The following SGCZ variants were observed in gnomAD, a reference collection of about 807,000 sequenced individuals.
SGCZ encodes the protein zeta-sarcoglycan.
A neutral mutation model predicts 41.3 loss-of-function variants in SGCZ; 40 were observed. That is an observed-to-expected ratio of 0.97 (90% CI 0.75 to 1.26). The LOEUF (loss-of-function observed/expected upper bound fraction) is 1.26, where lower values mean the gene tolerates loss of function less well. SGCZ is among the 50% of genes most tolerant of loss of function. The probability of loss-of-function intolerance (pLI) is 0.00; values close to 1 mark genes in which losing one functional copy is unlikely to be tolerated. For synonymous variants in SGCZ, 206 were observed against 137.5 expected, an observed-to-expected ratio of 1.50 and a Z score of -3.49; for missense variants, 552 against 369.8, an observed-to-expected ratio of 1.49 and a Z score of -4.04.
chr8:14,277,764 A>C (rs1389804644), intron 3 of SGCZ, among the ~76,000 whole-genome samples: 1 of 152,120 alleles, frequency 6.6e-6, no homozygotes, highest in East Asian at 1.9e-4. Flanking sequence ...CACAACCCCA[A>C]GTGAGGGGAG....
intron 1 of SGCZ, among the ~76,000 whole-genome samples, chr8:14,854,394 A>C (rs991275707): frequency 2.0e-5 from 3 of 152,098 alleles, no homozygotes; most frequent in Admixed American, 6.6e-5. Context: ...ATTTAGACTC[A>C]ACATTGTTCC....
chr8:14,253,939 G>GTT (rs10683633), intron 3 of SGCZ, among the ~76,000 whole-genome samples: 71,619 of 151,846 alleles, frequency 0.47, 17,298 homozygotes, highest in African/African-American at 0.56. Context: ...CACTTGTTCT[G>GTT]CTTTTCATGA....
At chr8:14,941,228 T>C (rs564311735) in intron 1 of SGCZ, among the ~76,000 whole-genome samples, 2 of 152,228 alleles carry the variant, frequency 1.3e-5, no homozygotes, top group South Asian at 4.1e-4. Context: ...CCAAGTTTTA[T>C]CATAGTAATA....
chr8:14,411,728 G>C (rs1212872610), intron 2 of SGCZ, among the ~76,000 whole-genome samples: 1 of 151,942 alleles, frequency 6.6e-6, no homozygotes, highest in African/African-American at 2.4e-5. Flanking sequence ...TTAGTATTCT[G>C]TATTTCCATG....
At chr8:15,013,429 C>T (rs1025474057) in intron 1 of SGCZ, among the ~76,000 whole-genome samples, 40 of 152,246 alleles carry the variant, frequency 2.6e-4, no homozygotes, top group Admixed American at 1.7e-3. Context: ...GCATCTATAA[C>T]GGAAAGGAAT....
In SGCZ at chr8:14,767,361, G is replaced by A. The variant is rs117374468; in HGVS notation, c.40-212435C>T. On this transcript the variant is annotated intron_variant, in intron 1 of 7. Coordinates refer to ENST00000382080, the MANE Select transcript of SGCZ (RefSeq NM_139167.4). ...TAAAGTAAGTTTAGATAATAAGGAGGCTGTTGTTTATCAATCTCAAAAGTG... is the reference window on the plus strand; with the variant it reads ...TAAAGTAAGTTTAGATAATAAGGAGACTGTTGTTTATCAATCTCAAAAGTG... 3.3e-3 allele frequency among the ~76,000 whole-genome samples: 500 copies of A among 152,300 alleles called. 7 individuals are homozygous for A. Among genetic ancestry groups the A allele is most frequent in the Middle Eastern group, 0.024 (7 of 294 alleles).
At chr8:14,974,866 A>G (rs1330263092) in intron 1 of SGCZ, among the ~76,000 whole-genome samples, 2 of 32,572 alleles carry the variant, frequency 6.1e-5, no homozygotes, top group South Asian at 9.0e-4. Context: ...GATTTTAGGA[A>G]AAAAAAAAAA....
chr8:14,348,833 C>A (rs1802984316), intron 2 of SGCZ, among the ~76,000 whole-genome samples: 1 of 152,092 alleles, frequency 6.6e-6, no homozygotes, highest in Admixed American at 6.6e-5. Flanking sequence ...ACATTAAATA[C>A]AAACATCATT....
At chr8:14,733,507 A>T (rs565377885) in intron 1 of SGCZ, among the ~76,000 whole-genome samples, 3 of 152,306 alleles carry the variant, frequency 2.0e-5, no homozygotes, top group African/African-American at 7.2e-5. Context: ...AACAAATTTC[A>T]GTTACCCTTT....
chr8:14,303,508 TA>T (rs1305712735), intron 3 of SGCZ, among the ~76,000 whole-genome samples: 9 of 152,128 alleles, frequency 5.9e-5, no homozygotes, highest in African/African-American at 2.2e-4. Context: ...AAACTCAAAC[TA>T]CTTGCAGAAA....
intron 1 of SGCZ, among the ~76,000 whole-genome samples, chr8:14,928,434 A>G (rs1799827988): frequency 6.6e-6 from 1 of 152,202 alleles, no homozygotes; most frequent in Non-Finnish European, 1.5e-5. Flanking sequence ...TAAAACTACT[A>G]TAAAACGCGA....
intron 1 of SGCZ, among the ~76,000 whole-genome samples, chr8:14,659,615 T>C (rs532357634): frequency 5.8e-4 from 89 of 152,278 alleles, no homozygotes; most frequent in African/African-American, 2.0e-3. Context: ...TCACTTAAAA[T>C]AGCTCAACAT....
At chr8:14,823,254 T>C (rs972870267) in intron 1 of SGCZ, among the ~76,000 whole-genome samples, 3 of 151,360 alleles carry the variant, frequency 2.0e-5, no homozygotes, top group Non-Finnish European at 4.4e-5. Context: ...CAAAAAAACG[T>C]TTTGCACAGG....
At chr8:14,631,280 G>A (rs1806643929) in intron 1 of SGCZ, among the ~76,000 whole-genome samples, 1 of 82,496 alleles carries the variant, frequency 1.2e-5, no homozygotes, top group Non-Finnish European at 2.7e-5. Context: ...GAACACATAG[G>A]AATTCTTTTT....
intron 1 of SGCZ, among the ~76,000 whole-genome samples, chr8:14,902,399 C>T (rs1287952083): frequency 6.6e-6 from 1 of 152,144 alleles, no homozygotes; most frequent in African/African-American, 2.4e-5. Flanking sequence ...CTTGCATTAT[C>T]CAATGCCTCT....
intron 1 of SGCZ, among the ~76,000 whole-genome samples, chr8:14,594,904 T>C (rs1165658160): frequency 6.6e-6 from 1 of 151,960 alleles, no homozygotes; most frequent in East Asian, 1.9e-4. Context: ...CACTGTTATA[T>C]TGCTGTAAGT....
intron 1 of SGCZ, among the ~76,000 whole-genome samples, chr8:14,599,502 C>T (rs1406495069): frequency 6.6e-6 from 1 of 152,088 alleles, no homozygotes; most frequent in Non-Finnish European, 1.5e-5. Flanking sequence ...ATCTCTTTAT[C>T]TTTCTCTAGT....
chr8:14,831,333 G>C (rs1802519330), intron 1 of SGCZ, among the ~76,000 whole-genome samples: 1 of 152,178 alleles, frequency 6.6e-6, no homozygotes, highest in East Asian at 1.9e-4. Flanking sequence ...AATAGAAGAG[G>C]ACTATACTTA....
chr8:14,557,662 C>A (rs1848884), intron 1 of SGCZ, among the ~76,000 whole-genome samples: 23,179 of 151,922 alleles, frequency 0.15, 1,861 homozygotes, highest in South Asian at 0.2. Flanking sequence ...ATTACCCCCA[C>A]ACCATTTGTT....
Sources: allele counts gnomAD v4.1 joint callset (sites outside exome capture counted in the v4.1 genomes callset), GRCh38; gene constraint gnomAD v4.1.1; transcripts MANE v1.5; gene names NCBI Gene and HGNC (gene_info 2026-07-23, HGNC 2026-07-21).